The following MAD1L1 variants were observed in gnomAD, a reference collection of about 807,000 sequenced individuals.
MAD1L1 encodes the protein mitotic arrest deficient 1 like 1.
Under a neutral mutation model 96.9 loss-of-function variants are expected in MAD1L1, and 95 were observed. The observed-to-expected ratio is 0.98, with a 90% CI of 0.83 to 1.16. The LOEUF (loss-of-function observed/expected upper bound fraction) is 1.16, where lower values mean the gene tolerates loss of function less well. Among genes scored for constraint, MAD1L1 ranks in the 50% most tolerant of loss-of-function variants. The pLI, the probability that MAD1L1 is intolerant of heterozygous loss-of-function variation, is 0.00. For missense variants in MAD1L1, 1,007 were observed against 954.4 expected (o/e 1.06, Z -0.73); for synonymous variants, 473 against 396.6 (o/e 1.19, Z -2.29).
rs562426700 is a variant in MAD1L1, at chr7:2,037,433, C to T, written c.1219-22791G>A. On this transcript the variant is annotated intron_variant, in intron 12 of 18. Transcript: ENST00000265854. ...GGAAGGCTTGTGGCCGTCCTGCCTTCGGCGAGGCACCATGTTCCCAACAGC... is the reference window on the plus strand; with the variant it reads ...GGAAGGCTTGTGGCCGTCCTGCCTTTGGCGAGGCACCATGTTCCCAACAGC... Among the ~76,000 whole-genome samples the T allele has an allele frequency of 5.9e-5, 9 of 152,294 alleles. No individual in the cohort carries two copies. In the South Asian group the frequency reaches 1.7e-3, roughly 28 times the overall value.
intron 10 of MAD1L1, among the ~76,000 whole-genome samples, chr7:2,195,895 T>A (rs1791961506): frequency 6.6e-6 from 1 of 152,264 alleles, no homozygotes. Context: ...AAAGAAGCTA[T>A]CAGCTGATGG....
intron 11 of MAD1L1, among the ~76,000 whole-genome samples, chr7:2,139,042 C>T (rs1788893541): frequency 1.3e-5 from 2 of 152,168 alleles, no homozygotes; most frequent in Non-Finnish European, 1.5e-5. Context: ...AAGCGGTCTT[C>T]CTCCTCAGCA....
chr7:1,874,882 G>A (rs1562480349), intron 18 of MAD1L1, among the ~76,000 whole-genome samples: 3 of 152,136 alleles, frequency 2.0e-5, no homozygotes, highest in Non-Finnish European at 1.5e-5. Context: ...CTGCAGCATG[G>A]AGACCGGCCA....
At chr7:1,886,292 G>C (rs1786021759) in intron 18 of MAD1L1, among the ~76,000 whole-genome samples, 2 of 152,238 alleles carry the variant, frequency 1.3e-5, no homozygotes, top group Non-Finnish European at 2.9e-5. Context: ...ACGGGAGATG[G>C]TGGGCTGGCA....
At chr7:2,047,293 G>A (rs1295613398) in intron 12 of MAD1L1, among the ~76,000 whole-genome samples, 1 of 152,208 alleles carries the variant, frequency 6.6e-6, no homozygotes, top group Non-Finnish European at 1.5e-5. Context: ...ACCGGCACGA[G>A]GAAACCCTGG....
intron 11 of MAD1L1, among the ~76,000 whole-genome samples, chr7:2,077,086 C>T (rs1785415429): frequency 1.5e-5 from 2 of 136,998 alleles, no homozygotes; most frequent in Non-Finnish European, 3.1e-5. Context: ...AGAGTTACGA[C>T]TTGGTGAGCC....
chr7:2,093,823 C>T (rs900810591), intron 11 of MAD1L1, among the ~76,000 whole-genome samples: 1 of 152,212 alleles, frequency 6.6e-6, no homozygotes, highest in Non-Finnish European at 1.5e-5. Flanking sequence ...CCCAGGAACG[C>T]AGACAAAGCC....
intron 12 of MAD1L1, among the ~76,000 whole-genome samples, chr7:2,018,274 G>A (rs1250132550): frequency 3.3e-5 from 5 of 152,204 alleles, no homozygotes; most frequent in Admixed American, 3.3e-4. Flanking sequence ...CACAGGAGAG[G>A]GCAGAGAACG....
At chr7:1,994,656 G>A (rs568405186) in intron 14 of MAD1L1, among the ~76,000 whole-genome samples, 5 of 150,598 alleles carry the variant, frequency 3.3e-5, no homozygotes, top group Non-Finnish European at 5.9e-5. Flanking sequence ...GCGGAGCCTC[G>A]GGGGGGGGAT....
intron 14 of MAD1L1, among the ~76,000 whole-genome samples, chr7:1,997,945 G>A (rs573567489): frequency 1.9e-4 from 27 of 141,454 alleles, no homozygotes; most frequent in African/African-American, 6.4e-4. Flanking sequence ...CCAGGGAGGG[G>A]TAAAATCATG....
intron 18 of MAD1L1, among the ~76,000 whole-genome samples, chr7:1,836,385 C>G (rs1782938840): frequency 6.6e-6 from 1 of 152,152 alleles, no homozygotes. Flanking sequence ...TTTACTGCAA[C>G]CTGTTTTATC....
chr7:1,948,402 T>C (rs1779332035), intron 16 of MAD1L1, among the ~76,000 whole-genome samples: 1 of 151,322 alleles, frequency 6.6e-6, no homozygotes, highest in Non-Finnish European at 1.5e-5. Flanking sequence ...CACCAGGGCC[T>C]GAGGGAGGGG....
chr7:1,879,596 A>C (rs1439467693), intron 18 of MAD1L1, among the ~76,000 whole-genome samples: 3 of 152,216 alleles, frequency 2.0e-5, no homozygotes, highest in African/African-American at 7.2e-5. Context: ...GAATAGCTAT[A>C]ATTTTGAAAA....
At chr7:1,964,221 A>C (rs997268319) in intron 15 of MAD1L1, among the ~76,000 whole-genome samples, 1 of 152,198 alleles carries the variant, frequency 6.6e-6, no homozygotes, top group African/African-American at 2.4e-5. Flanking sequence ...ATCTCCGAGA[A>C]GCTGCCTTCT....
intron 14 of MAD1L1, 102 bp from the exon 15 acceptor site, chr7:1,980,643 G>A (rs745621034): frequency 4.6e-5 from 42 of 903,572 alleles, no homozygotes; most frequent in Middle Eastern, 4.2e-4. Context: ...CAGCACCCCC[G>A]CCCTGGGCTG....
chr7:2,112,421 C>T (rs572862708), intron 11 of MAD1L1, among the ~76,000 whole-genome samples: 13 of 152,338 alleles, frequency 8.5e-5, no homozygotes, highest in Middle Eastern at 3.4e-3. Flanking sequence ...ACGGCACCCA[C>T]GGTGCTGAGA....
At chr7:1,820,202 T>C (rs1782051303) in intron 18 of MAD1L1, among the ~76,000 whole-genome samples, 1 of 151,964 alleles carries the variant, frequency 6.6e-6, no homozygotes, top group Non-Finnish European at 1.5e-5. Context: ...TCAAATGGGA[T>C]GCCTCGAAGG....
At chr7:2,159,732 G>A (rs889035531) in intron 10 of MAD1L1, among the ~76,000 whole-genome samples, 6 of 152,110 alleles carry the variant, frequency 3.9e-5, no homozygotes, top group African/African-American at 4.8e-5. Flanking sequence ...TTAAAAGTTC[G>A]GTATAACAGG....
rs1041670789 is a variant in MAD1L1 at position 2,092,195 on chromosome 7, G to A, written c.1074-22857C>T. Among the ~76,000 whole-genome samples, 6 of 152,158 alleles carry A rather than the reference G, an allele frequency of 3.9e-5. No individual in the cohort carries two copies. In the South Asian group the frequency reaches 6.2e-4, roughly 16 times the overall value. ...GTTTTTAGCCATTCCCACAGTGTGT[G>A]GCCATGTCTCATGGTTGTACTAATT... On this transcript the variant is annotated intron_variant, in intron 11 of 18. Transcript: ENST00000265854.
Sources: allele counts gnomAD v4.1 joint callset (sites outside exome capture counted in the v4.1 genomes callset), GRCh38; gene constraint gnomAD v4.1.1; transcripts MANE v1.5; gene names NCBI Gene and HGNC (gene_info 2026-07-23, HGNC 2026-07-21).